Variants in SLC14A2 observed in about 807,000 individuals in gnomAD.
The protein encoded by SLC14A2 is urea transporter 2.
A neutral mutation model predicts 104.6 loss-of-function variants in SLC14A2; 91 were observed. That is an observed-to-expected ratio of 0.87 (90% confidence interval 0.73 to 1.04). The LOEUF (loss-of-function observed/expected upper bound fraction) is 1.04. Ranked by LOEUF, SLC14A2 falls within the 50% of genes least tolerant of loss-of-function variation. The probability of loss-of-function intolerance (pLI) is 0.00; values close to 1 mark genes in which losing one functional copy is unlikely to be tolerated. For missense variants in SLC14A2, 1,189 were observed against 1,156.0 expected, an observed-to-expected ratio of 1.03 and a Z score of -0.41; for synonymous variants, 476 against 466.4, an observed-to-expected ratio of 1.02 and a Z score of -0.27.
chr18:45,669,903 C>T (rs537870023), intron 16 of SLC14A2, among the ~76,000 whole-genome samples: 3 of 152,340 alleles, frequency 2.0e-5, no homozygotes, highest in South Asian at 2.1e-4. Flanking sequence ...TCATTCAAGT[C>T]GTACACATCA....
chr18:45,181,418 G>C, the SLC14A2 span: 7 of 152,278 alleles, frequency 4.6e-5, no homozygotes, highest in African/African-American at 1.7e-4. Flanking sequence ...AGGTGGTGTG[G>C]GTGGGGCAGG....
the SLC14A2 span, among the ~76,000 whole-genome samples, chr18:45,205,744 G>A: frequency 6.6e-6 from 1 of 152,118 alleles, no homozygotes; most frequent in Non-Finnish European, 1.5e-5. Flanking sequence ...AGAGTACAAG[G>A]CCTTACAGAA....
chr18:45,235,707 A>C (rs1029535907), intron 1 of SLC14A2, among the ~76,000 whole-genome samples: 1 of 151,326 alleles, frequency 6.6e-6, no homozygotes, highest in African/African-American at 2.4e-5. Context: ...ATTTCACTTA[A>C]TACAATGTTC....
At chr18:45,196,971 C>G in the SLC14A2 span, among the ~76,000 whole-genome samples, 1 of 152,220 alleles carries the variant, frequency 6.6e-6, no homozygotes, top group East Asian at 1.9e-4. Context: ...ATGGGGAAGA[C>G]ATCTCTAAGG....
At chr18:45,527,663 C>T (rs1253375315) in intron 2 of SLC14A2, among the ~76,000 whole-genome samples, 1 of 152,164 alleles carries the variant, frequency 6.6e-6, no homozygotes, top group East Asian at 1.9e-4. Flanking sequence ...CTTATAGCAG[C>T]CATGTCCATT....
the SLC14A2 span, among the ~76,000 whole-genome samples, chr18:45,192,688 ACT>A: frequency 7.4e-6 from 1 of 135,494 alleles, no homozygotes; most frequent in Non-Finnish European, 1.7e-5. Context: ...ATGGAGTCTC[ACT>A]CTGTTGCCCA....
chr18:45,300,635 T>C (rs1048635888), intron 1 of SLC14A2, among the ~76,000 whole-genome samples: 10 of 152,196 alleles, frequency 6.6e-5, no homozygotes, highest in African/African-American at 1.7e-4. Context: ...TAAAAATAAT[T>C]GATAGCTAAT....
chr18:45,528,862 C>T (rs1345751209), intron 2 of SLC14A2: 1 of 152,220 alleles, frequency 6.6e-6, no homozygotes, highest in Non-Finnish European at 1.5e-5. Context: ...GGCCTCATGA[C>T]TTTGTTTGAC....
chr18:45,256,750 C>T (rs1221784845), intron 1 of SLC14A2, among the ~76,000 whole-genome samples: 2 of 152,202 alleles, frequency 1.3e-5, no homozygotes, highest in Non-Finnish European at 2.9e-5. Context: ...TAATGGTTTA[C>T]AGTTTTTACT....
At chr18:45,234,059 C>CTA (rs2084202018) in intron 1 of SLC14A2, among the ~76,000 whole-genome samples, 1 of 151,724 alleles carries the variant, frequency 6.6e-6, no homozygotes, top group Non-Finnish European at 1.5e-5. Flanking sequence ...TTTCTGCACA[C>CTA]TATACCTCCA....
chr18:45,255,769 A>G (rs546435573), intron 1 of SLC14A2, among the ~76,000 whole-genome samples: 1 of 151,924 alleles, frequency 6.6e-6, no homozygotes, highest in African/African-American at 2.4e-5. Flanking sequence ...GCAGGGGGAA[A>G]ATATATATAT....
chr18:45,657,317 C>T (rs1473706366), intron 10 of SLC14A2, among the ~76,000 whole-genome samples: 1 of 147,002 alleles, frequency 6.8e-6, no homozygotes, highest in Non-Finnish European at 1.5e-5. Context: ...ACTAAAAATA[C>T]AAAAATACAA....
At chr18:45,326,606 G>A (rs578132939) in intron 1 of SLC14A2, among the ~76,000 whole-genome samples, 1 of 152,314 alleles carries the variant, frequency 6.6e-6, no homozygotes, top group African/African-American at 2.4e-5. Flanking sequence ...GAACTATGTA[G>A]AGGTAAGGTC....
rs143236412 is a variant in SLC14A2, at chr18:45,544,433, C to T, written c.-35+61111C>T. On this transcript the variant is annotated intron_variant, in intron 2 of 20. Coordinates refer to the SLC14A2 transcript ENST00000586448. ...TAACCAGGGACTTTTTCTTATACAA[C>T]TTTCAATTGCATTCTTGTTTGTTCC... Among the ~76,000 whole-genome samples, 1,332 of 152,296 alleles carry T rather than the reference C, an allele frequency of 8.7e-3. 5 individuals carry two copies. The highest frequency in any genetic ancestry group is 0.013 in the Non-Finnish European group (866 of 68,020).
chr18:45,361,548 G>A (rs1032755767), intron 1 of SLC14A2, among the ~76,000 whole-genome samples: 1 of 152,174 alleles, frequency 6.6e-6, no homozygotes, highest in Admixed American at 6.5e-5. Flanking sequence ...AAAAACAGAT[G>A]GGACAGTTTA....
intron 1 of SLC14A2, among the ~76,000 whole-genome samples, chr18:45,297,869 C>CTGGGT (rs1437966569): frequency 1.1e-4 from 17 of 152,106 alleles, no homozygotes; most frequent in Admixed American, 9.8e-4. Flanking sequence ...GGTTTGGCTG[C>CTGGGT]TGGGTATGGG....
intron 19 of SLC14A2, among the ~76,000 whole-genome samples, chr18:45,679,682 A>G (rs1049460789): frequency 2.6e-5 from 4 of 152,174 alleles, no homozygotes; most frequent in Non-Finnish European, 5.9e-5. Flanking sequence ...TCCTGCAGAT[A>G]AGGAGGGAGT....
intron 1 of SLC14A2, among the ~76,000 whole-genome samples, chr18:45,382,118 C>G (rs2085844996): frequency 6.6e-6 from 1 of 152,182 alleles, no homozygotes; most frequent in South Asian, 2.1e-4. Context: ...AGATGATACT[C>G]ATAGACAAGG....
intron 1 of SLC14A2, among the ~76,000 whole-genome samples, chr18:45,428,151 A>G (rs1035844462): frequency 2.6e-5 from 4 of 152,224 alleles, no homozygotes; most frequent in Non-Finnish European, 5.9e-5. Context: ...TAGCTACTGC[A>G]CCAGCATTTC....
Sources: allele counts gnomAD v4.1 joint callset (sites outside exome capture counted in the v4.1 genomes callset), GRCh38; gene constraint gnomAD v4.1.1; transcripts MANE v1.5; gene names NCBI Gene and HGNC (gene_info 2026-07-23, HGNC 2026-07-21).